The following GNAT3 variants were observed in gnomAD, a reference collection of about 807,000 sequenced individuals.
GNAT3 encodes guanine nucleotide-binding protein G(t) subunit alpha-3.
A neutral mutation model predicts 37.7 loss-of-function variants in GNAT3; 31 were observed. The ratio of observed to expected loss-of-function variants is 0.82; its 90% CI spans 0.62 to 1.11. The LOEUF (loss-of-function observed/expected upper bound fraction) is 1.11, where lower values mean the gene tolerates loss of function less well. Ranked by LOEUF, GNAT3 falls within the 50% of genes most tolerant of loss-of-function variation. The pLI is 0.00. For missense variants in GNAT3, 437 were observed against 412.5 expected, an observed-to-expected ratio of 1.06 and a Z score of -0.51; for synonymous variants, 138 against 139.8, an observed-to-expected ratio of 0.99 and a Z score of 0.09.
intron 3 of GNAT3, among the ~76,000 whole-genome samples, chr7:80,484,701 G>C (rs1035780849): frequency 6.6e-6 from 1 of 151,692 alleles, no homozygotes; most frequent in South Asian, 2.1e-4. Flanking sequence ...TTGTTACATA[G>C]GTAACAAAAA....
rs373590022 is a variant in GNAT3, at chr7:80,480,836, T to C, written c.304-1838A>G. ...AGCCTGTTTATCAGCAAGGTCGTTA[T>C]GACCTGCATCTTGTGCCGACCTCCT... On this transcript the variant is annotated intron_variant, in intron 3 of 7. Transcript: ENST00000398291. Among the ~76,000 whole-genome samples the C allele has an allele frequency of 9.2e-5, 14 of 152,250 alleles. No homozygotes were observed. In the East Asian group the frequency reaches 2.1e-3, roughly 23 times the overall value.
rs896731564 is a variant in GNAT3 at position 80,469,056 on chromosome 7, C to T, written c.590+5195G>A. On this transcript the variant is annotated intron_variant, in intron 5 of 7. Coordinates refer to ENST00000398291, the MANE Select transcript of GNAT3 (RefSeq NM_001102386.3). The stretch of plus-strand genomic sequence containing the variant: ...TGAGATCTTATAAAGACTAGGAAAG[C>T]CAAATTGAAATGTAGCTGCTGGATG... Among the ~76,000 whole-genome samples, 3 of 152,002 alleles carry T rather than the reference C, an allele frequency of 2.0e-5. No homozygotes were observed. The East Asian group carries it at 5.8e-4, about 29-fold the overall frequency.
chr7:80,467,269 C>G (rs1584168937), intron 5 of GNAT3, among the ~76,000 whole-genome samples: 1 of 152,090 alleles, frequency 6.6e-6, no homozygotes, highest in Non-Finnish European at 1.5e-5. Context: ...CTGAAAGTCT[C>G]TCTTAGGTTG....
In GNAT3 at chr7:80,473,500, A is replaced by C. The variant is rs370857518; in HGVS notation, c.590+751T>G. Among the ~76,000 whole-genome samples, 2 of 142,104 alleles carry C rather than the reference A, an allele frequency of 1.4e-5. 1 individual carries two copies. 93.2% of individuals were successfully genotyped at this position (142,104 alleles called of 152,430 possible). A position where few individuals can be genotyped will look rare whatever the true frequency, so the allele number is the denominator to read the frequency against. Reference sequence around the variant, plus strand: ...AAGATTATTCTCATTGTTTGATACAAGAGTAATTTTATTAGTTATATTTTT... The same window carrying C: ...AAGATTATTCTCATTGTTTGATACACGAGTAATTTTATTAGTTATATTTTT... On this transcript the variant is annotated intron_variant, in intron 5 of 7. Transcript: ENST00000398291.
intron 5 of GNAT3, among the ~76,000 whole-genome samples, chr7:80,467,735 A>G (rs1790149088): frequency 6.6e-6 from 1 of 152,098 alleles, no homozygotes; most frequent in Non-Finnish European, 1.5e-5. Context: ...TCTGTGAGAG[A>G]CAAAATTAAA....
intron 1 of GNAT3, among the ~76,000 whole-genome samples, chr7:80,494,934 G>A (rs746550375): frequency 5.3e-5 from 8 of 151,892 alleles, no homozygotes; most frequent in Non-Finnish European, 7.4e-5. Flanking sequence ...TACTCTTTAT[G>A]TCCATGTGTG....
chr7:80,475,721 T>G lies in GNAT3; in HGVS notation c.462-1342A>C, dbSNP rs565983247. 4.9e-4 allele frequency among the ~76,000 whole-genome samples: 75 copies of G among 152,270 alleles called. 1 individual carries two copies. Among genetic ancestry groups the G allele is most frequent in the Non-Finnish European group, 9.7e-4 (66 of 68,022 alleles). ...AAATTATTTTATTAGTTAAAAAAAT[T>G]CATTATTAATATAGGTAATTTATTC... On this transcript the variant is annotated intron_variant, in intron 4 of 7. Transcript: ENST00000398291.
At chr7:80,477,336 C>T (rs770873392) in intron 4 of GNAT3, among the ~76,000 whole-genome samples, 2 of 152,072 alleles carry the variant, frequency 1.3e-5, no homozygotes, top group Non-Finnish European at 2.9e-5. Context: ...ATTGTGACTA[C>T]CTTTACCAAT....
intron 4 of GNAT3, among the ~76,000 whole-genome samples, chr7:80,477,992 C>A: frequency 6.6e-6 from 1 of 152,214 alleles, no homozygotes; most frequent in East Asian, 1.9e-4. Flanking sequence ...CCTACTGCAG[C>A]CTTGACCTCC....
intron 3 of GNAT3, among the ~76,000 whole-genome samples, chr7:80,486,119 A>C (rs1562727010): frequency 6.6e-6 from 1 of 152,236 alleles, no homozygotes; most frequent in Non-Finnish European, 1.5e-5. Context: ...AAACAATTTT[A>C]AACAGGTCAA....
intron 1 of GNAT3, among the ~76,000 whole-genome samples, chr7:80,506,264 A>G (rs1790937740): frequency 6.6e-6 from 1 of 152,242 alleles, no homozygotes; most frequent in Non-Finnish European, 1.5e-5. Context: ...TCAGCAAGCC[A>G]GAATTTTCAA....
Position 80,458,837 on chromosome 7 carries a change from C to T in GNAT3, c.899G>A (p.Gly300Glu). Residue 300 changes from glycine to glutamate, a missense_variant, in exon 8 of 8, where the codon GGA becomes GAA. Physicochemically the swap from Gly to Glu is moderately conservative, Grantham distance 98. Transcript: ENST00000398291. ...TAGAAACTGGTTCTTGATGTAGTTT[C>T]CTGCATCTTCAAATGTATTTGGCCC... ...YTGPNTFEDA[G>E]NYIKNQFLDL... The T allele has an allele frequency of 6.3e-7, 1 of 1,585,872 alleles. No individual in the cohort carries two copies. Among genetic ancestry groups the T allele is most frequent in the Non-Finnish European group, 8.6e-7 (1 of 1,168,028 alleles).
Position 80,478,983 on chromosome 7 carries a change from G to C in GNAT3, c.319C>G (p.Leu107Val). 1 of 1,608,718 alleles carries C rather than the reference G, an allele frequency of 6.2e-7. No homozygotes were observed. Among genetic ancestry groups the C allele is most frequent in the Non-Finnish European group, 8.5e-7 (1 of 1,177,492 alleles). Residue 107 changes from leucine to valine, a missense_variant, in exon 4 of 8, where the codon CTT becomes GTT. Coordinates refer to ENST00000398291, the MANE Select transcript of GNAT3 (RefSeq NM_001102386.3). ...TCCAGGGTATTTGCCATTGCATAAA[G>C]TTGTCGTTGGTCCTCCTAGAACAAT... ...NPRSAEDQRQ[L>V]YAMANTLEDG...
At chr7:80,493,431 C>T (rs1490273806) in intron 2 of GNAT3, among the ~76,000 whole-genome samples, 1 of 152,164 alleles carries the variant, frequency 6.6e-6, no homozygotes, top group Non-Finnish European at 1.5e-5. Context: ...TGATATAAAA[C>T]TTACATGAGA....
chr7:80,493,094 G>A (rs1363272513), intron 2 of GNAT3, among the ~76,000 whole-genome samples: 1 of 151,522 alleles, frequency 6.6e-6, no homozygotes, highest in South Asian at 2.1e-4. Flanking sequence ...TCTAATTTTG[G>A]CTTAATTTTA....
At chr7:80,469,251 T>A (rs191117282) in intron 5 of GNAT3, among the ~76,000 whole-genome samples, 1 of 152,294 alleles carries the variant, frequency 6.6e-6, no homozygotes, top group East Asian at 1.9e-4. Flanking sequence ...AAGCTCTGTG[T>A]TGTAATAATT....
chr7:80,497,870 A>C (rs1437986222), intron 1 of GNAT3, among the ~76,000 whole-genome samples: 4 of 152,036 alleles, frequency 2.6e-5, no homozygotes, highest in Admixed American at 2.6e-4. Flanking sequence ...AAAAGATGAT[A>C]TAATTTCTAC....
intron 1 of GNAT3, among the ~76,000 whole-genome samples, chr7:80,497,524 TTC>T (rs1322909890): frequency 3.3e-5 from 5 of 149,936 alleles, no homozygotes; most frequent in Admixed American, 6.6e-5. Flanking sequence ...AATATCTTGT[TTC>T]TCTCTCTATA....
intron 5 of GNAT3, among the ~76,000 whole-genome samples, chr7:80,471,759 C>G (rs529355143): frequency 2.6e-5 from 4 of 152,034 alleles, no homozygotes; most frequent in Admixed American, 6.6e-5. Flanking sequence ...ATTTTAATTC[C>G]ATCTCTAGCA....
Sources: allele counts gnomAD v4.1 joint callset (sites outside exome capture counted in the v4.1 genomes callset), GRCh38; gene constraint gnomAD v4.1.1; transcripts MANE v1.5; gene names NCBI Gene and HGNC (gene_info 2026-07-23, HGNC 2026-07-21).